The following VOPP1 variants were observed in gnomAD, a reference collection of about 807,000 sequenced individuals.
VOPP1 encodes the protein VOPP1 WW domain binding protein.
A neutral mutation model predicts 23.5 loss-of-function variants in VOPP1; 8 were observed. The ratio of observed to expected loss-of-function variants is 0.34; its 90% CI spans 0.20 to 0.61. The LOEUF (loss-of-function observed/expected upper bound fraction) is 0.61, where lower values mean the gene tolerates loss of function less well. Among genes scored for constraint, VOPP1 ranks in the 20% least tolerant of loss-of-function variants. The probability of loss-of-function intolerance (pLI) is 0.78; values close to 1 mark genes in which losing one functional copy is unlikely to be tolerated. For missense variants in VOPP1, 174 were observed against 238.1 expected, an observed-to-expected ratio of 0.73 and a Z score of 1.77; for synonymous variants, 83 against 97.3, an observed-to-expected ratio of 0.85 and a Z score of 0.86.
chr7:55,463,604 C>T (rs1406647690), intron 4 of VOPP1, among the ~76,000 whole-genome samples: 3 of 152,090 alleles, frequency 2.0e-5, no homozygotes, highest in African/African-American at 4.8e-5. Context: ...GAGGCTGTGG[C>T]GAGGCTTTGC....
At chr7:55,481,099 G>A (rs886285294) in intron 4 of VOPP1, among the ~76,000 whole-genome samples, 10 of 152,250 alleles carry the variant, frequency 6.6e-5, no homozygotes, top group Admixed American at 3.9e-4. Flanking sequence ...AGAAGGGGCA[G>A]GCAGCAGGTA....
At chr7:55,436,440 G>A (rs1436564432) in intron 4 of VOPP1, among the ~76,000 whole-genome samples, 1 of 152,218 alleles carries the variant, frequency 6.6e-6, no homozygotes, top group African/African-American at 2.4e-5. Flanking sequence ...CTCTGATGGG[G>A]CAGGTGAAGG....
At chr7:55,453,940 TTTAAC>T (rs1170053696) in intron 4 of VOPP1, among the ~76,000 whole-genome samples, 1 of 152,222 alleles carries the variant, frequency 6.6e-6, no homozygotes, top group East Asian at 1.9e-4. Flanking sequence ...TATTATTCAT[TTTAAC>T]TTATTATAAA....
At chr7:55,470,013 C>T (rs866039669), downstream of VOPP1, among the ~76,000 whole-genome samples, 27 of 152,064 alleles carry the variant, frequency 1.8e-4, no homozygotes, top group African/African-American at 6.0e-4. Flanking sequence ...CCACTGCATG[C>T]CAGGCTGGGT....
intron 1 of VOPP1, among the ~76,000 whole-genome samples, chr7:55,525,624 T>C (rs926609526): frequency 1.3e-5 from 2 of 152,106 alleles, no homozygotes; most frequent in African/African-American, 4.8e-5. Flanking sequence ...TAATTGTGTC[T>C]TCTCTGGAAC....
chr7:55,534,011 A>AT (rs540531721), intron 1 of VOPP1, among the ~76,000 whole-genome samples: 210 of 152,114 alleles, frequency 1.4e-3, no homozygotes, highest in African/African-American at 4.9e-3. Flanking sequence ...AAAACAACTC[A>AT]TTTGTGCAAG....
chr7:55,440,368 C>T (rs1583781942), intron 4 of VOPP1, among the ~76,000 whole-genome samples: 2 of 152,220 alleles, frequency 1.3e-5, no homozygotes, highest in Non-Finnish European at 2.9e-5. Flanking sequence ...CTGTCCTACA[C>T]AGTGGCACTC....
chr7:55,546,432 G>A (rs1797371426), intron 1 of VOPP1, among the ~76,000 whole-genome samples: 1 of 152,180 alleles, frequency 6.6e-6, no homozygotes, highest in Admixed American at 6.5e-5. Flanking sequence ...AAATCAATAC[G>A]CCATGATGAA....
intron 4 of VOPP1, among the ~76,000 whole-genome samples, chr7:55,478,106 G>C (rs1583854087): frequency 6.6e-6 from 1 of 152,332 alleles, no homozygotes; most frequent in East Asian, 1.9e-4. Context: ...TTAGGAAAGA[G>C]AAAGCAAGGA....
intron 1 of VOPP1, among the ~76,000 whole-genome samples, chr7:55,527,318 G>T (rs1034189982): frequency 1.3e-5 from 2 of 151,996 alleles, no homozygotes. Context: ...GAGAGTATGA[G>T]GCTTCTCACA....
chr7:55,551,353 T>C (rs1797598993), intron 1 of VOPP1, among the ~76,000 whole-genome samples: 1 of 152,194 alleles, frequency 6.6e-6, no homozygotes, highest in East Asian at 1.9e-4. Flanking sequence ...GAACCCCACG[T>C]GCACACCGTA....
intron 4 of VOPP1, among the ~76,000 whole-genome samples, chr7:55,482,182 G>A (rs913571357): frequency 2.6e-5 from 4 of 151,118 alleles, no homozygotes; most frequent in Non-Finnish European, 5.9e-5. Context: ...CAAAGAACAC[G>A]CAAAAAAAAA....
chr7:55,538,048 A>T (rs1796906635), intron 1 of VOPP1, among the ~76,000 whole-genome samples: 1 of 152,128 alleles, frequency 6.6e-6, no homozygotes, highest in African/African-American at 2.4e-5. Flanking sequence ...GCCTGGCCCG[A>T]CCACACTAAG....
chr7:55,534,998 GAC>G (rs1347030525), intron 1 of VOPP1, among the ~76,000 whole-genome samples: 2 of 152,244 alleles, frequency 1.3e-5, no homozygotes, highest in Non-Finnish European at 1.5e-5. Flanking sequence ...AGAACAGGAA[GAC>G]ACAGTTGAAG....
chr7:55,488,349 C>G (rs2692608), intron 4 of VOPP1, among the ~76,000 whole-genome samples: 100,638 of 151,982 alleles, frequency 0.66, 33,730 homozygotes, highest in Admixed American at 0.72. Context: ...CCACACTCCT[C>G]CCACTTTCCA....
intron 4 of VOPP1, among the ~76,000 whole-genome samples, chr7:55,456,867 G>A (rs1791380031): frequency 6.6e-6 from 1 of 152,112 alleles, no homozygotes; most frequent in South Asian, 2.1e-4. Context: ...GTTGATGGGT[G>A]CAGCAAACCA....
chr7:55,552,702 C>A (rs1380978505), intron 1 of VOPP1: 1 of 1,535,964 alleles, frequency 6.5e-7, no homozygotes, highest in Admixed American at 2.0e-5. Context: ...CCTGGAGCCC[C>A]AGCCCCTCCG....
intron 2 of VOPP1, among the ~76,000 whole-genome samples, chr7:55,505,895 GATCTCAGCAGAGATGCT>G (rs1794691886): frequency 1.3e-5 from 2 of 152,132 alleles, no homozygotes; most frequent in Non-Finnish European, 2.9e-5. Context: ...GACTATTACT[GATCTCAGCAGAGATGCT>G]ATCAAACATC....
chr7:55,561,996 T>C, intron 1 of VOPP1: 1 of 703,618 alleles, frequency 1.4e-6, no homozygotes, highest in Non-Finnish European at 2.6e-6. Flanking sequence ...CGGTTCAGTC[T>C]GCTGTACTGG....
Sources: allele counts gnomAD v4.1 joint callset (sites outside exome capture counted in the v4.1 genomes callset), GRCh38; gene constraint gnomAD v4.1.1; transcripts MANE v1.5; gene names NCBI Gene and HGNC (gene_info 2026-07-23, HGNC 2026-07-21).